CLIC6: variants seen among roughly 807,000 people sequenced by gnomAD.
CLIC6 encodes CLIC family member 6, also known as chloride intracellular channel protein 6.
CLIC6 carries 39 observed loss-of-function variants against 49.2 expected under a neutral mutation model. The ratio of observed to expected loss-of-function variants is 0.79; its 90% CI spans 0.61 to 1.04. CLIC6 has a LOEUF of 1.04. Ranked by LOEUF, CLIC6 falls within the 50% of genes least tolerant of loss-of-function variation. The pLI is 0.00. For missense variants in CLIC6, 988 were observed against 993.1 expected (o/e 0.99, Z 0.07); for synonymous variants, 446 against 433.4 (o/e 1.03, Z -0.36).
Position 34,669,585 on chromosome 21 carries a change from A to G in CLIC6, c.197A>G (p.Asp66Gly). Residue 66 changes from aspartate (D) to glycine (G), a missense_variant, in exon 1 of 6, where the codon GAC becomes GGC. Asp to Gly is a moderately conservative substitution (Grantham distance 94, BLOSUM62 -1). Around this residue, in one of 3 missense-constraint regions of CLIC6, gnomAD observed 284 missense variants for 278.6 expected, o/e 1.02. Coordinates refer to ENST00000349499, the MANE Select transcript of CLIC6 (RefSeq NM_053277.3). ...AVKEAGGGGP[D>G]RGPEAEARGT... is the part of the protein sequence containing the mutation. ...AAGGAGGCAGGAGGCGGCGGGCCAG[A>G]CAGGGGCCCGGAGGCCGAGGCGCGG... The G allele has an allele frequency of 7.9e-7, 1 of 1,265,148 alleles. No individual in the cohort carries two copies. The highest frequency in any genetic ancestry group is 9.9e-7 in the Non-Finnish European group (1 of 1,008,618). The allele number at this position is 1,265,148 out of a possible 1,614,324, so 78.4% of individuals were successfully genotyped here. A position where few individuals can be genotyped will look rare whatever the true frequency, so the allele number is the denominator to read the frequency against.
chr21:34,673,118 C>T (rs1449121175), intron 1 of CLIC6, among the ~76,000 whole-genome samples: 1 of 152,102 alleles, frequency 6.6e-6, no homozygotes, highest in East Asian at 1.9e-4. Context: ...TCAAATACTG[C>T]TTGGGAGGAG....
rs1216301371 is a variant in CLIC6, at chr21:34,670,595, T to A, written c.1207T>A (p.Ser403Thr). The A allele has an allele frequency of 7.8e-6, 12 of 1,535,946 alleles. No homozygotes were observed. Among genetic ancestry groups the A allele is most frequent in the Non-Finnish European group, 1.1e-5 (12 of 1,141,768 alleles). Residue 403 changes from serine to threonine, a missense_variant, in exon 1 of 6, where the codon TCC (serine) becomes ACC (threonine). This residue lies in a region of CLIC6 where 647 missense variants were observed against 596.9 expected (regional missense o/e 1.08). Transcript: ENST00000349499. ...CGACAGCAGCCCACATGGGGAGGCC[T>A]CCAGGGGCGCCGCGGAGCCTGAGGC... ...SPDSSPHGEA[S>T]RGAAEPEAQL...
intron 1 of CLIC6, among the ~76,000 whole-genome samples, chr21:34,682,957 G>A (rs897327326): frequency 8.6e-5 from 13 of 151,538 alleles, no homozygotes; most frequent in South Asian, 8.4e-4. Context: ...GACTACAGGC[G>A]CCCGCCAACA....
chr21:34,671,988 G>C (rs1447260463), intron 1 of CLIC6, among the ~76,000 whole-genome samples: 2 of 152,284 alleles, frequency 1.3e-5, no homozygotes, highest in African/African-American at 4.8e-5. Flanking sequence ...CAGTGCTGCT[G>C]TGTGACCCCA....
chr21:34,686,471 A>G (rs1989880726), intron 1 of CLIC6, among the ~76,000 whole-genome samples: 2 of 152,180 alleles, frequency 1.3e-5, no homozygotes, highest in Non-Finnish European at 2.9e-5. Context: ...CTGGAATCAT[A>G]TAGTGTGGTG....
chr21:34,682,801 ATT>A (rs1172251761), intron 1 of CLIC6, among the ~76,000 whole-genome samples: 228 of 69,260 alleles, frequency 3.3e-3, no homozygotes, highest in African/African-American at 0.011. Flanking sequence ...CTTTCCCTCC[ATT>A]TTTTTTTTTT....
chr21:34,693,944 CTGTTGTTGT>C (rs568954883), intron 1 of CLIC6, among the ~76,000 whole-genome samples: 6 of 147,816 alleles, frequency 4.1e-5, no homozygotes, highest in Admixed American at 6.7e-5. Flanking sequence ...CTTATGAGAT[CTGTTGTTGT>C]TGTTGTTGTT....
intron 1 of CLIC6, among the ~76,000 whole-genome samples, chr21:34,694,497 T>C (rs926294282): frequency 4.6e-5 from 7 of 151,910 alleles, no homozygotes; most frequent in Non-Finnish European, 1.0e-4. Flanking sequence ...TTTTTTGTAG[T>C]GACAAGTTTT....
intron 1 of CLIC6, among the ~76,000 whole-genome samples, chr21:34,697,957 T>G (rs533433265): frequency 3.5e-4 from 54 of 152,326 alleles, no homozygotes; most frequent in Non-Finnish European, 7.8e-4. Flanking sequence ...AGGAATCTCA[T>G]AGGCCTGTGA....
intron 1 of CLIC6, among the ~76,000 whole-genome samples, chr21:34,698,434 T>TAGGGA (rs1295506210): frequency 8.2e-6 from 1 of 122,540 alleles, no homozygotes; most frequent in African/African-American, 3.2e-5. Flanking sequence ...GGGAGGGAGA[T>TAGGGA]AGGGAAGGGA....
At chr21:34,696,098 G>A (rs972618218) in intron 1 of CLIC6, among the ~76,000 whole-genome samples, 49 of 152,278 alleles carry the variant, frequency 3.2e-4, no homozygotes, top group Admixed American at 5.2e-4. Flanking sequence ...GTGGGGGAAT[G>A]CAACATCAAA....
chr21:34,671,077 C>A (rs1423359616), intron 1 of CLIC6, among the ~76,000 whole-genome samples: 3 of 146,518 alleles, frequency 2.0e-5, no homozygotes, highest in Non-Finnish European at 4.5e-5. Context: ...ACATCCTAAC[C>A]AGCCCTCCTA....
At chr21:34,687,767 T>A (rs1250028347) in intron 1 of CLIC6, among the ~76,000 whole-genome samples, 7 of 152,246 alleles carry the variant, frequency 4.6e-5, no homozygotes, top group African/African-American at 1.7e-4. Context: ...GTAGTTTTTT[T>A]TAAATGTTTA....
At chr21:34,677,080 G>A (rs1227318493) in intron 1 of CLIC6, among the ~76,000 whole-genome samples, 1 of 152,134 alleles carries the variant, frequency 6.6e-6, no homozygotes, top group Non-Finnish European at 1.5e-5. Context: ...CGGTATCCAA[G>A]TCCATCTTCG....
Position 34,715,180 on chromosome 21 carries a change from T to G in CLIC6, c.1900-1141T>G, listed in dbSNP as rs774985378. Among the ~76,000 whole-genome samples the G allele has an allele frequency of 2.0e-5, 3 of 152,246 alleles. No homozygotes were observed. In the East Asian group the frequency reaches 5.8e-4, roughly 29 times the overall value. On this transcript the variant is annotated intron_variant, in intron 5 of 5. Coordinates refer to ENST00000349499, the MANE Select transcript of CLIC6 (RefSeq NM_053277.3). ...GGGACAGGAGGCAGCAAAGCCCAAC[T>G]GGCCTTTATGGCTCTGGGTCTCCAC... is the stretch of plus-strand genomic sequence containing the variant.
In CLIC6 at chr21:34,690,794, A is replaced by G. The variant is rs949796470; in HGVS notation, c.1375-16486A>G. Among the ~76,000 whole-genome samples, 11 of 149,218 alleles carry G rather than the reference A, an allele frequency of 7.4e-5. No homozygotes were observed. The Admixed American group carries it at 7.4e-4, about 10-fold the overall frequency. On this transcript the variant is annotated intron_variant, in intron 1 of 5. Coordinates refer to ENST00000349499, the MANE Select transcript of CLIC6 (RefSeq NM_053277.3). ...TGGGTCAGGGTTAGTGAATCCTGAA[A>G]TAGTGTGGGTGCCCCCTCCTTTTCT...
intron 1 of CLIC6, among the ~76,000 whole-genome samples, chr21:34,691,162 T>A (rs762244): frequency 1 from 152,350 of 152,350 alleles, 76,175 homozygotes; most frequent in Non-Finnish European, 1. Context: ...CTCACTGACA[T>A]AGAACTTTCA....
At chr21:34,673,721 T>C (rs1423552737) in intron 1 of CLIC6, among the ~76,000 whole-genome samples, 1 of 152,158 alleles carries the variant, frequency 6.6e-6, no homozygotes, top group Non-Finnish European at 1.5e-5. Context: ...AAGACAGACA[T>C]CAAAGCAAAA....
At chr21:34,700,263 C>T (rs13048899) in intron 1 of CLIC6, among the ~76,000 whole-genome samples, 1 of 146,994 alleles carries the variant, frequency 6.8e-6, no homozygotes, top group Admixed American at 6.7e-5. Flanking sequence ...CTGGCTAACA[C>T]GGTGAAACCC....
Sources: gnomAD v4.1 joint callset for allele counts (sites outside exome capture counted in the v4.1 genomes callset) on GRCh38, gnomAD v4.1.1 for gene constraint, gnomAD v4.1.1 regional missense constraint, MANE v1.5 for transcripts, NCBI Gene and HGNC (gene_info 2026-07-23, HGNC 2026-07-21) for gene names.